The following NCOR2 variants were observed in gnomAD, a reference collection of about 807,000 sequenced individuals.
NCOR2 encodes CTG repeat protein 26.
Under a neutral mutation model 262.9 loss-of-function variants are expected in NCOR2, and 81 were observed. The ratio of observed to expected loss-of-function variants is 0.31; its 90% CI spans 0.26 to 0.37. The LOEUF (loss-of-function observed/expected upper bound fraction) is 0.37, where lower values mean the gene tolerates loss of function less well. Among genes scored for constraint, NCOR2 ranks in the 10% least tolerant of loss-of-function variants. The pLI is 1.00. For synonymous variants in NCOR2, 1,659 were observed against 1,559.3 expected (o/e 1.06, Z -1.51); for missense variants, 3,385 against 3,621.4 (o/e 0.93, Z 1.68).
At chr12:124,402,559 C>A in exon 14 of NCOR2, 1 of 1,557,632 alleles carries the variant, frequency 6.4e-7, no homozygotes, top group South Asian at 1.2e-5. Context: ...GTTGTTGCTG[C>A]TGCTGTCAGA....
intron 16 of NCOR2, among the ~76,000 whole-genome samples, chr12:124,392,535 G>A (rs761231562): frequency 4.6e-5 from 7 of 152,070 alleles, no homozygotes; most frequent in African/African-American, 7.2e-5. Flanking sequence ...GGGCCCTGAC[G>A]GACAGCTGCA....
At chr12:124,543,921 GCTAAGCCCC>G (rs1409075372) in intron 1 of NCOR2, among the ~76,000 whole-genome samples, 1 of 152,226 alleles carries the variant, frequency 6.6e-6, no homozygotes, top group East Asian at 1.9e-4. Flanking sequence ...TCCGCACAAT[GCTAAGCCCC>G]TTACGATGAT....
rs1255535196 is a variant in NCOR2, at chr12:124,503,226, T to C, written c.-117-7858A>G. Among the ~76,000 whole-genome samples, 3 of 152,226 alleles carry C rather than the reference T, an allele frequency of 2.0e-5. No homozygotes were observed. The highest frequency in any genetic ancestry group is 2.0e-4 in the Admixed American group (3 of 15,286). ...CACTGTACAAGCACAGCTACAGCAG[T>C]GACCAAGTCAGACAAAAGGCAAAAG... On this transcript the variant is annotated intron_variant, in intron 1 of 46. Transcript: ENST00000404621. This position sits in a 1 kb window ranked among gnomAD's most constrained non-coding sequence, Gnocchi z 4.3.
intron 5 of NCOR2, among the ~76,000 whole-genome samples, chr12:124,465,202 C>G (rs1206651120): frequency 6.6e-6 from 1 of 152,026 alleles, no homozygotes; most frequent in African/African-American, 2.4e-5. Context: ...GAAGCCAAGG[C>G]AGGGAGAGGA....
At chr12:124,428,545 C>T (rs1663794867) in intron 10 of NCOR2, among the ~76,000 whole-genome samples, 1 of 152,142 alleles carries the variant, frequency 6.6e-6, no homozygotes, top group African/African-American at 2.4e-5. Context: ...CCCTGGGGCC[C>T]CTTCCATCTG....
At position 124,482,795 on chromosome 12, in the gene NCOR2, T is replaced by C. The variant is rs566011746; in HGVS notation, c.411+801A>G. The stretch of plus-strand genomic sequence containing the variant: ...CGAGCCTGAAGTTGTCTGGCTCCCC[T>C]GCCCAAAGTGCATCCGTGGTCCCTC... On this transcript the variant is annotated intron_variant, in intron 3 of 46. Coordinates refer to ENST00000405201, the Ensembl canonical transcript of NCOR2. The surrounding 1 kb of genome is among the most constrained non-coding windows in gnomAD (Gnocchi z 6.3). 6.6e-6 allele frequency among the ~76,000 whole-genome samples: 1 copy of C among 152,272 alleles called. No individual in the cohort carries two copies. The highest frequency in any genetic ancestry group is 2.1e-4 in the South Asian group (1 of 4,828).
rs2044941735 is a variant in NCOR2, at chr12:124,443,290, A to AC, written c.816-5295dup. ...GTCTGTTTGCCACCGATGGGCAGCA[A>AC]CTGAGGGTGTGAATCCACCCTGGCT... On this transcript the variant is annotated intron_variant, in intron 7 of 46. Transcript: ENST00000405201. This position sits in a 1 kb window ranked among gnomAD's most constrained non-coding sequence, Gnocchi z 4.4. Among the ~76,000 whole-genome samples the AC allele has an allele frequency of 6.6e-6, 1 of 152,148 alleles. No individual in the cohort carries two copies. Among genetic ancestry groups the AC allele is most frequent in the South Asian group, 2.1e-4 (1 of 4,822 alleles).
chr12:124,416,683 ACACAGGGAGTCCCCGCGG>A (rs1332787637), intron 13 of NCOR2, among the ~76,000 whole-genome samples: 1,646 of 116,780 alleles, frequency 0.014, 22 homozygotes, highest in South Asian at 0.049. Context: ...GAGACCCGCG[ACACAGGGAGTCCCCGCGG>A]CACAGATAGA....
intron 34 of NCOR2, among the ~76,000 whole-genome samples, chr12:124,341,062 T>A (rs1043300948): frequency 1.3e-5 from 2 of 152,204 alleles, no homozygotes; most frequent in African/African-American, 4.8e-5. Flanking sequence ...CCATTCCCTG[T>A]ATTCAATCCT....
At chr12:124,326,581 T>C (rs2034668985) in intron 45 of NCOR2, among the ~76,000 whole-genome samples, 1 of 152,010 alleles carries the variant, frequency 6.6e-6, no homozygotes, top group African/African-American at 2.4e-5. Context: ...AGGGTGGAGA[T>C]AGTTTCTGCT....
At chr12:124,400,992 C>T (rs1205511755) in intron 14 of NCOR2, among the ~76,000 whole-genome samples, 1 of 152,080 alleles carries the variant, frequency 6.6e-6, no homozygotes, top group African/African-American at 2.4e-5. Context: ...ACTGCTTGAG[C>T]CCAGGAGTTT....
chr12:124,336,801 T>C, exon 38 of NCOR2: 6 of 1,613,238 alleles, frequency 3.7e-6, no homozygotes, highest in Non-Finnish European at 5.1e-6. Context: ...TTACTTTGAG[T>C]CTTTTCCCGG....
chr12:124,532,934 C>CCTCCCTAACCCAAATCCCACTCCTCCT, intron 1 of NCOR2, among the ~76,000 whole-genome samples: 1 of 41,282 alleles, frequency 2.4e-5, no homozygotes, highest in Non-Finnish European at 5.0e-5. Context: ...CCTCCTTCCC[C>CCTCCCTAACCCAAATCCCACTCCTCCT]TCCTCCCTCC....
intron 16 of NCOR2, among the ~76,000 whole-genome samples, chr12:124,386,515 C>T (rs1423889919): frequency 1.3e-5 from 2 of 152,164 alleles, no homozygotes; most frequent in African/African-American, 4.8e-5. Flanking sequence ...CCACTCAGGA[C>T]TCGGGGCCCA....
intron 20 of NCOR2, among the ~76,000 whole-genome samples, chr12:124,369,698 G>A (rs1164329759): frequency 1.2e-4 from 18 of 152,138 alleles, no homozygotes; most frequent in Non-Finnish European, 1.5e-5. Context: ...GGGCCTAGTC[G>A]CACAGGGCGG....
chr12:124,398,626 C>A (rs980467782), intron 15 of NCOR2, among the ~76,000 whole-genome samples: 7 of 152,222 alleles, frequency 4.6e-5, no homozygotes, highest in Non-Finnish European at 8.8e-5. Context: ...TGACCGAGGA[C>A]CCTCTCGGAG....
intron 16 of NCOR2, among the ~76,000 whole-genome samples, chr12:124,388,327 C>G (rs1374764475): frequency 6.6e-6 from 1 of 152,106 alleles, no homozygotes; most frequent in African/African-American, 2.4e-5. Flanking sequence ...CTGGGAAGCC[C>G]AGGCAGAGGC....
At position 124,356,639 on chromosome 12, in the gene NCOR2, T is replaced by TA; in HGVS notation, c.3241+2dup. ...AAGCCCAAGCTCGGGCGGAGCTACTTACCAGGTGGAGCGTAGGAGAAGGCT... is the reference window on the plus strand; with the variant it reads ...AAGCCCAAGCTCGGGCGGAGCTACTTAACCAGGTGGAGCGTAGGAGAAGGCT... On this transcript the variant is annotated splice_region_variant and intron_variant, in intron 23 of 46. Coordinates refer to ENST00000405201, the Ensembl canonical transcript of NCOR2. 1 of 1,432,518 alleles carries TA rather than the reference T, an allele frequency of 7.0e-7. No individual in the cohort carries two copies. The highest frequency in any genetic ancestry group is 9.1e-7 in the Non-Finnish European group (1 of 1,093,280). The allele number at this position is 1,432,518 out of a possible 1,614,324, so 88.7% of individuals were successfully genotyped here.
At chr12:124,427,714 G>A (rs1284858821) in intron 10 of NCOR2, among the ~76,000 whole-genome samples, 6 of 152,140 alleles carry the variant, frequency 3.9e-5, no homozygotes, top group South Asian at 2.1e-4. Context: ...CCCCTGATAC[G>A]GAACGGCGAC....
Sources: gnomAD v4.1 joint callset for allele counts (sites outside exome capture counted in the v4.1 genomes callset) on GRCh38, gnomAD v4.1.1 for gene constraint, Gnocchi (gnomAD v3.1) non-coding constraint, MANE v1.5 for transcripts, NCBI Gene and HGNC (gene_info 2026-07-23, HGNC 2026-07-21) for gene names.